The following PCDHA4 variants were observed in gnomAD, a reference collection of about 807,000 sequenced individuals.
PCDHA4 encodes the protein protocadherin alpha 4.
In PCDHA4, 49 loss-of-function variants were observed where a neutral mutation model predicts 61.4. The observed-to-expected ratio is 0.80, with a 90% CI of 0.63 to 1.01. PCDHA4 has a LOEUF of 1.01. Among genes scored for constraint, PCDHA4 ranks in the 50% least tolerant of loss-of-function variants. PCDHA4 has a pLI of 0.00. For missense variants in PCDHA4, 1,254 were observed against 1,235.8 expected (o/e 1.01, Z -0.22); for synonymous variants, 590 against 550.3 (o/e 1.07, Z -1.01).
At chr5:140,870,906 C>A (rs201710263) in intron 1 of PCDHA4, 2 of 1,613,946 alleles carry the variant, frequency 1.2e-6, no homozygotes, top group South Asian at 2.2e-5. Flanking sequence ...CGGACTCAGG[C>A]TACAACGCGT....
intron 1 of PCDHA4, chr5:140,850,741 C>G: frequency 6.3e-7 from 1 of 1,597,822 alleles, no homozygotes. Flanking sequence ...GGGAGTTGGT[C>G]GTACTCGCAG....
At chr5:140,830,776 T>A (rs190922926) in intron 1 of PCDHA4, 105 of 166,754 alleles carry the variant, frequency 6.3e-4, no homozygotes, top group Admixed American at 1.3e-3. Flanking sequence ...CATAGTAGCA[T>A]TTTTTTCTGA....
At chr5:140,969,170 G>A in intron 1 of PCDHA4, 1 of 1,614,114 alleles carries the variant, frequency 6.2e-7, no homozygotes. Flanking sequence ...AGCAGGCTCA[G>A]GGAGTGACAC....
chr5:140,896,536 CTT>C (rs34213614), intron 1 of PCDHA4, among the ~76,000 whole-genome samples: 1 of 145,640 alleles, frequency 6.9e-6, no homozygotes. Flanking sequence ...AGCTATTTTT[CTT>C]TTTTTTTTTT....
intron 3 of PCDHA4, among the ~76,000 whole-genome samples, chr5:140,989,700 C>T (rs1367211310): frequency 6.6e-6 from 1 of 152,178 alleles, no homozygotes; most frequent in East Asian, 1.9e-4. Flanking sequence ...AAAATTTTAT[C>T]TTCAGAGGCA....
chr5:140,982,483 A>G lies in PCDHA4; in HGVS notation c.2453A>G (p.His818Arg). Residue 818 changes from histidine (H) to arginine (R), a missense_variant, in exon 3 of 4, where the codon CAC (histidine) becomes CGC (arginine). His to Arg is a conservative substitution (Grantham distance 29, BLOSUM62 0). Transcript: ENST00000530339. ...SLRAGMHSSV[H>R]LEEAGILRAG... ...TCTGTGTGTTTATTCAGCTCTGTGC[A>G]CCTAGAGGAGGCTGGCATTCTACGG... The G allele has an allele frequency of 1.2e-6, 2 of 1,614,142 alleles. No homozygotes were observed. Among genetic ancestry groups the G allele is most frequent in the Non-Finnish European group, 1.7e-6 (2 of 1,180,016 alleles).
intron 1 of PCDHA4, chr5:140,927,642 T>A: frequency 6.2e-7 from 1 of 1,614,156 alleles, no homozygotes; most frequent in Non-Finnish European, 8.5e-7. Flanking sequence ...CCAATGGGAC[T>A]GTGTTATTCC....
At chr5:140,851,204 A>T in intron 1 of PCDHA4, 2 of 1,181,712 alleles carry the variant, frequency 1.7e-6, no homozygotes, top group Non-Finnish European at 2.2e-6. Context: ...TTAGTCATTC[A>T]TTAAACATTA....
chr5:140,919,301 A>G (rs1278715166), intron 1 of PCDHA4, among the ~76,000 whole-genome samples: 1 of 152,158 alleles, frequency 6.6e-6, no homozygotes, highest in African/African-American at 2.4e-5. Context: ...CTGTTTGTAC[A>G]ATATATGTTT....
At chr5:140,881,382 C>T (rs1312033271) in intron 1 of PCDHA4, 2 of 983,994 alleles carry the variant, frequency 2.0e-6, no homozygotes, top group Non-Finnish European at 2.4e-6. Flanking sequence ...CAGCCGGCGG[C>T]GGTAAGTTAA....
chr5:140,945,801 C>T (rs1371269109), intron 1 of PCDHA4, among the ~76,000 whole-genome samples: 2 of 152,026 alleles, frequency 1.3e-5, no homozygotes, highest in East Asian at 3.9e-4. Context: ...GAAACTAGAC[C>T]CTTATCTCAC....
At chr5:140,858,366 G>A (rs2045372675) in intron 1 of PCDHA4, 1 of 1,590,834 alleles carries the variant, frequency 6.3e-7, no homozygotes, top group Admixed American at 1.7e-5. Flanking sequence ...TTCAGCCCCA[G>A]CCTTCCACCA....
At chr5:140,927,481 G>C in intron 1 of PCDHA4, 2 of 1,614,072 alleles carry the variant, frequency 1.2e-6, no homozygotes, top group Non-Finnish European at 1.7e-6. Context: ...CGAACAGCGC[G>C]CCACCCACCT....
intron 1 of PCDHA4, chr5:140,875,321 TC>T: frequency 1.4e-6 from 2 of 1,427,980 alleles, no homozygotes; most frequent in Non-Finnish European, 1.8e-6. Context: ...TTCCAATCAT[TC>T]ACGGAATAGG....
chr5:140,834,672 G>T, intron 1 of PCDHA4: 1 of 1,614,242 alleles, frequency 6.2e-7, no homozygotes, highest in Non-Finnish European at 8.5e-7. Flanking sequence ...GGAGCTGTGC[G>T]GGCGGAGCGC....
intron 2 of PCDHA4, 87 bp downstream of exon 2, chr5:140,979,094 T>C (rs1203462119): frequency 6.4e-7 from 1 of 1,551,870 alleles, no homozygotes; most frequent in Non-Finnish European, 8.7e-7. Flanking sequence ...CAGAAGCAGC[T>C]GTCAAAACTA....
intron 1 of PCDHA4, among the ~76,000 whole-genome samples, chr5:140,898,530 T>A (rs1256781089): frequency 6.6e-6 from 1 of 152,228 alleles, no homozygotes; most frequent in African/African-American, 2.4e-5. Flanking sequence ...GAGGGCTCTG[T>A]TCTGTTCCAT....
At chr5:140,916,776 C>A (rs2153540006) in intron 1 of PCDHA4, among the ~76,000 whole-genome samples, 1 of 152,308 alleles carries the variant, frequency 6.6e-6, no homozygotes. Context: ...CACAAGCACT[C>A]CCTTAGCTGC....
intron 1 of PCDHA4, chr5:140,870,180 A>G: frequency 1.2e-6 from 2 of 1,614,112 alleles, no homozygotes; most frequent in Non-Finnish European, 8.5e-7. Context: ...TCCCAGTACG[A>G]GAGGACGCTC....
Sources: gnomAD v4.1 joint callset for allele counts (sites outside exome capture counted in the v4.1 genomes callset) on GRCh38, gnomAD v4.1.1 for gene constraint, MANE v1.5 for transcripts, NCBI Gene and HGNC (gene_info 2026-07-23, HGNC 2026-07-21) for gene names.